RCL1: variants seen among roughly 807,000 people sequenced by gnomAD.
RCL1 encodes RNA 3'-terminal phosphate cyclase-like protein.
A neutral mutation model predicts 42.4 loss-of-function variants in RCL1; 24 were observed. That is an observed-to-expected ratio of 0.57 (90% CI 0.41 to 0.80). The LOEUF is 0.80. RCL1 is among the 30% of genes least tolerant of loss of function. The pLI is 0.00. For missense variants in RCL1, 578 were observed against 467.9 expected, an observed-to-expected ratio of 1.24 and a Z score of -2.17; for synonymous variants, 228 against 177.3, an observed-to-expected ratio of 1.29 and a Z score of -2.27.
chr9:4,832,386 A>T (rs894284629), intron 3 of RCL1, among the ~76,000 whole-genome samples: 1 of 152,158 alleles, frequency 6.6e-6, no homozygotes, highest in Non-Finnish European at 1.5e-5. Flanking sequence ...TTCTTAGGTG[A>T]GCTGTTGAAT....
At position 4,860,450 on chromosome 9, in the gene RCL1, C is replaced by G; in HGVS notation, c.*175C>G. 1 of 715,094 alleles carries G rather than the reference C, an allele frequency of 1.4e-6. No homozygotes were observed. The highest frequency in any genetic ancestry group is 2.1e-6 in the Non-Finnish European group (1 of 472,330). The allele number at this position is 715,094 out of a possible 1,614,324, so 44.3% of individuals were successfully genotyped here. A position where few individuals can be genotyped will look rare whatever the true frequency, so the allele number is the denominator to read the frequency against. On this transcript the variant is annotated 3_prime_UTR_variant, in exon 9 of 9. Coordinates refer to ENST00000381750, the MANE Select transcript of RCL1 (RefSeq NM_005772.5). ...CATCCCTGTAGCATATGGTTTCCAG[C>G]TGTTTCTCCAGTGGCATTGCCATTG...
chr9:4,839,022 G>C (rs1327513994), intron 5 of RCL1, among the ~76,000 whole-genome samples: 1 of 152,224 alleles, frequency 6.6e-6, no homozygotes, highest in African/African-American at 2.4e-5. Context: ...GGAAATGACA[G>C]CACAGAGAAG....
In RCL1 at chr9:4,841,233, T is replaced by A; in HGVS notation, c.586T>A (p.Tyr196Asn). The A allele has an allele frequency of 6.2e-7, 1 of 1,614,054 alleles. No individual in the cohort carries two copies. Among genetic ancestry groups the A allele is most frequent in the Non-Finnish European group, 8.5e-7 (1 of 1,179,956 alleles). Residue 196 changes from tyrosine (Y) to asparagine (N), a missense_variant and splice_region_variant, in exon 6 of 9, where the codon TAC becomes AAC. Coordinates refer to ENST00000381750, the MANE Select transcript of RCL1 (RefSeq NM_005772.5). ...GACATCCTTAACTCCAGGCTGCAGG[T>A]ACTCTGTACGTGTGTCACCTCAGAT... ...GKIKRIRGMA[Y>N]SVRVSPQMAN... is the part of the protein sequence containing the mutation.
At chr9:4,828,861 C>G (rs1816858029) in intron 3 of RCL1, among the ~76,000 whole-genome samples, 1 of 152,200 alleles carries the variant, frequency 6.6e-6, no homozygotes, top group African/African-American at 2.4e-5. Flanking sequence ...GGAGTATCTG[C>G]TTTTGCCAGC....
intron 1 of RCL1, among the ~76,000 whole-genome samples, chr9:4,793,721 T>C (rs967783575): frequency 6.6e-6 from 1 of 152,212 alleles, no homozygotes; most frequent in African/African-American, 2.4e-5. Flanking sequence ...CCTGTCGCCA[T>C]GATTTCTCGG....
At chr9:4,827,174 T>A in intron 3 of RCL1, 141 bp downstream of exon 3, 1 of 1,550,844 alleles carries the variant, frequency 6.4e-7, no homozygotes, top group Non-Finnish European at 8.7e-7. Context: ...GATTTAGAGG[T>A]TAATCACTCC....
intron 2 of RCL1, among the ~76,000 whole-genome samples, chr9:4,823,929 C>T (rs559316991): frequency 1.2e-4 from 18 of 151,960 alleles, no homozygotes; most frequent in Middle Eastern, 3.4e-3. Context: ...TACCGTGTTC[C>T]GATGGAAAGA....
At chr9:4,793,314 T>C (rs1172507487) in intron 1 of RCL1, 87 bp downstream of exon 1, 44 of 1,335,900 alleles carry the variant, frequency 3.3e-5, no homozygotes, top group Non-Finnish European at 4.1e-5. Flanking sequence ...CGGTGTTGGT[T>C]GGGCGGCTCG....
At chr9:4,817,881 T>A (rs190912893) in intron 1 of RCL1, among the ~76,000 whole-genome samples, 72 of 151,710 alleles carry the variant, frequency 4.7e-4, no homozygotes, top group African/African-American at 1.6e-3. Flanking sequence ...ATTTCTAAAC[T>A]CTCAGTTCAT....
intron 1 of RCL1, among the ~76,000 whole-genome samples, chr9:4,796,380 GCTCCAT>G (rs1587688332): frequency 1.3e-5 from 2 of 152,114 alleles, no homozygotes; most frequent in East Asian, 3.8e-4. Flanking sequence ...ATGGCCTCTA[GCTCCAT>G]GTTGTTGCAA....
intron 1 of RCL1, among the ~76,000 whole-genome samples, chr9:4,805,958 G>T (rs774196256): frequency 6.6e-6 from 1 of 151,718 alleles, no homozygotes; most frequent in Non-Finnish European, 1.5e-5. Context: ...TGTAAATGGT[G>T]TATCATATTT....
intron 1 of RCL1, 48 bp from the exon 2 acceptor site, chr9:4,823,500 G>A: frequency 6.9e-7 from 1 of 1,446,006 alleles, no homozygotes; most frequent in Non-Finnish European, 9.7e-7. Context: ...GACCTGACAT[G>A]AGGACAGTCT....
At chr9:4,849,832 A>C (rs1163507884) in intron 8 of RCL1, among the ~76,000 whole-genome samples, 1 of 152,174 alleles carries the variant, frequency 6.6e-6, no homozygotes, top group African/African-American at 2.4e-5. Context: ...GTTAGAGGTA[A>C]ACTCCTGGTT....
intron 1 of RCL1, among the ~76,000 whole-genome samples, chr9:4,800,032 T>A (rs1563826271): frequency 1.3e-5 from 2 of 152,216 alleles, no homozygotes; most frequent in African/African-American, 4.8e-5. Context: ...TCAGCATGAT[T>A]CTCTGGAGAT....
At chr9:4,841,116 T>C (rs1817302516) in intron 5 of RCL1, 116 bp from the exon 6 acceptor site, 1 of 1,089,682 alleles carries the variant, frequency 9.2e-7, no homozygotes, top group African/African-American at 1.6e-5. Context: ...TGGAAAACAA[T>C]AGATTTGGAA....
intron 1 of RCL1, among the ~76,000 whole-genome samples, chr9:4,809,583 C>T (rs1816099603): frequency 6.6e-6 from 1 of 152,182 alleles, no homozygotes; most frequent in Admixed American, 6.5e-5. Context: ...GCTGGGATTA[C>T]AGGCGTGAGC....
At chr9:4,808,864 C>T (rs961510211) in intron 1 of RCL1, among the ~76,000 whole-genome samples, 1 of 152,130 alleles carries the variant, frequency 6.6e-6, no homozygotes, top group Non-Finnish European at 1.5e-5. Context: ...TTTTTGATTT[C>T]ATTTTTATAT....
intron 8 of RCL1, among the ~76,000 whole-genome samples, 154 bp downstream of exon 8, chr9:4,849,704 T>G (rs1817656961): frequency 1.3e-5 from 2 of 152,200 alleles, no homozygotes; most frequent in Admixed American, 1.3e-4. Context: ...CTTAACCTGG[T>G]GTTTATTTTT....
intron 5 of RCL1, among the ~76,000 whole-genome samples, chr9:4,840,306 CAG>C (rs1817272449): frequency 6.6e-6 from 1 of 152,168 alleles, no homozygotes; most frequent in Non-Finnish European, 1.5e-5. Context: ...GGGTTTGTAT[CAG>C]GGTAGTGGGA....
Sources: gnomAD v4.1 joint callset for allele counts (sites outside exome capture counted in the v4.1 genomes callset) on GRCh38, gnomAD v4.1.1 for gene constraint, MANE v1.5 for transcripts, NCBI Gene and HGNC (gene_info 2026-07-23, HGNC 2026-07-21) for gene names.